NPAS3: variants seen among roughly 807,000 people sequenced by gnomAD.
NPAS3 encodes the protein neuronal PAS domain protein 3.
In NPAS3, 14 loss-of-function variants were observed where a neutral mutation model predicts 73.1. The observed-to-expected ratio is 0.19, with a 90% CI of 0.13 to 0.30. The LOEUF (loss-of-function observed/expected upper bound fraction) is 0.30. NPAS3 is among the 10% of genes least tolerant of loss of function. The pLI, the probability that NPAS3 is intolerant of heterozygous loss-of-function variation, is 1.00. For synonymous variants in NPAS3, 620 were observed against 541.5 expected (o/e 1.14, Z -2.01); for missense variants, 1,096 against 1,250.0 (o/e 0.88, Z 1.86).
chr14:33,038,156 A>G (rs2040231743), intron 1 of NPAS3, among the ~76,000 whole-genome samples: 1 of 152,172 alleles, frequency 6.6e-6, no homozygotes, highest in Admixed American at 6.5e-5. Context: ...TTTTCCCCCT[A>G]GGGATGAAGG....
Position 33,502,272 on chromosome 14 carries a change from A to ATTT in NPAS3, c.469-57841_469-57839dup, listed in dbSNP as rs34556992. 2.1e-3 allele frequency among the ~76,000 whole-genome samples: 318 copies of ATTT among 149,780 alleles called. 2 individuals carry two copies. The highest frequency in any genetic ancestry group is 5.0e-3 in the African/African-American group (205 of 40,842). On this transcript the variant is annotated intron_variant, in intron 4 of 11. Coordinates refer to ENST00000356141, the Ensembl canonical transcript of NPAS3. ...AGTGCATTTTCTATGGCTCTCCCCC[A>ATTT]TTTTTTTTTTAACACTTTGGCTTTT...
At position 33,800,371 on chromosome 14, in the gene NPAS3, T is replaced by G. The variant is rs1427797734; in HGVS notation, c.2064T>G (p.Ser688=). 6.2e-7 allele frequency: 1 copy of G among 1,609,350 alleles called. No individual in the cohort carries two copies. The highest frequency in any genetic ancestry group is 1.3e-5 in the African/African-American group (1 of 74,428). Residue 688 remains serine, a synonymous_variant, in exon 12 of 12, where the codon TCT becomes TCG. Coordinates refer to ENST00000356141, the Ensembl canonical transcript of NPAS3. The surrounding 1 kb of genome is among the most constrained non-coding windows in gnomAD (Gnocchi z 6.5). ...ACAGCATGACCAAGCCCCCCAGCTC[T>G]GAGCACTTCCCGTCCCCGCAGGGCG...
At chr14:33,409,500 T>G (rs896642400) in intron 4 of NPAS3, among the ~76,000 whole-genome samples, 2 of 152,204 alleles carry the variant, frequency 1.3e-5, no homozygotes, top group African/African-American at 2.4e-5. Context: ...GATGACAAAT[T>G]GCCTATCTCT....
At chr14:33,705,323 T>C (rs1481327753) in intron 6 of NPAS3, among the ~76,000 whole-genome samples, 2 of 152,202 alleles carry the variant, frequency 1.3e-5, no homozygotes, top group Admixed American at 6.5e-5. Flanking sequence ...AGTTAGTTCA[T>C]TGGCTCCCTT....
intron 7 of NPAS3, among the ~76,000 whole-genome samples, chr14:33,770,651 G>A (rs1164524727): frequency 6.6e-6 from 1 of 152,174 alleles, no homozygotes; most frequent in Non-Finnish European, 1.5e-5. Flanking sequence ...AGTAATCCCA[G>A]CACTTTGGGA....
intron 3 of NPAS3, among the ~76,000 whole-genome samples, chr14:33,302,258 T>C (rs541997859): frequency 6.6e-6 from 1 of 152,160 alleles, no homozygotes; most frequent in African/African-American, 2.4e-5. Flanking sequence ...TATTAAGGAA[T>C]TAGGAAGAAT....
intron 5 of NPAS3, among the ~76,000 whole-genome samples, chr14:33,652,332 C>T (rs2059018549): frequency 6.6e-6 from 1 of 152,188 alleles, no homozygotes. Context: ...CCTTTGAAAC[C>T]AGCGTTTCCA....
intron 4 of NPAS3, among the ~76,000 whole-genome samples, chr14:33,394,086 G>A (rs1288939490): frequency 2.0e-5 from 3 of 152,050 alleles, no homozygotes; most frequent in African/African-American, 7.2e-5. Flanking sequence ...CATTGTCTAT[G>A]GTAATGTGAT....
intron 10 of NPAS3, among the ~76,000 whole-genome samples, chr14:33,796,831 C>T (rs545812908): frequency 6.6e-6 from 1 of 152,300 alleles, no homozygotes; most frequent in East Asian, 1.9e-4. Context: ...GGGACTCTCC[C>T]CACTGCAATC....
chr14:33,412,180 A>G (rs1352271557), intron 4 of NPAS3, among the ~76,000 whole-genome samples: 3 of 152,148 alleles, frequency 2.0e-5, no homozygotes, highest in Non-Finnish European at 4.4e-5. Flanking sequence ...ATGCAGTGAC[A>G]TGATCTCAGC....
intron 4 of NPAS3, among the ~76,000 whole-genome samples, chr14:33,503,537 C>G (rs924095366): frequency 6.6e-6 from 1 of 151,782 alleles, no homozygotes; most frequent in Non-Finnish European, 1.5e-5. Flanking sequence ...CCAGTTAACA[C>G]AGAGCTTCTC....
intron 2 of NPAS3, among the ~76,000 whole-genome samples, chr14:33,116,634 AC>A (rs1435875312): frequency 2.0e-5 from 3 of 152,100 alleles, no homozygotes; most frequent in Non-Finnish European, 4.4e-5. Flanking sequence ...CATGAATGTT[AC>A]TGGTGGACGT....
intron 4 of NPAS3, among the ~76,000 whole-genome samples, chr14:33,544,820 A>AT (rs11377851): frequency 0.1 from 9,838 of 94,018 alleles, 1,395 homozygotes; most frequent in African/African-American, 0.3. Flanking sequence ...ATGTATATAT[A>AT]ATATATATGT....
At chr14:33,298,867 A>C (rs2042411464) in intron 3 of NPAS3, among the ~76,000 whole-genome samples, 2 of 152,218 alleles carry the variant, frequency 1.3e-5, no homozygotes. Context: ...GAACAGAAAT[A>C]ATCCTTCCTT....
chr14:33,016,911 T>G (rs943181950), intron 1 of NPAS3, among the ~76,000 whole-genome samples: 9 of 152,156 alleles, frequency 5.9e-5, no homozygotes, highest in Non-Finnish European at 1.3e-4. Context: ...TGTTAAAAGA[T>G]GACTACAGAG....
intron 4 of NPAS3, among the ~76,000 whole-genome samples, chr14:33,529,837 G>A (rs889589117): frequency 4.6e-5 from 7 of 151,850 alleles, no homozygotes; most frequent in Non-Finnish European, 1.0e-4. Context: ...GTTTCACTTG[G>A]GAATAAAATA....
In NPAS3 at chr14:33,565,622, GA is replaced by G. The variant is rs142762922; in HGVS notation, c.558+5422del. Among the ~76,000 whole-genome samples, 264 of 146,802 alleles carry G rather than the reference GA, an allele frequency of 1.8e-3. 7 individuals are homozygous for G. The East Asian group carries it at 0.042, about 24-fold the overall frequency. ...ATATATATATTTCTTTAGTGGGGTT[GA>G]AAAAAAAAAGAAGACATTAGCTTTC... is the stretch of plus-strand genomic sequence containing the variant. On this transcript the variant is annotated intron_variant, in intron 5 of 11. Coordinates refer to ENST00000356141, the Ensembl canonical transcript of NPAS3.
intron 3 of NPAS3, among the ~76,000 whole-genome samples, chr14:33,240,078 A>T (rs1267389483): frequency 6.6e-6 from 1 of 151,892 alleles, no homozygotes; most frequent in Non-Finnish European, 1.5e-5. Flanking sequence ...CATCAGTTGC[A>T]CAATGTAATT....
intron 7 of NPAS3, among the ~76,000 whole-genome samples, chr14:33,741,359 G>T (rs145525220): frequency 1.1e-4 from 17 of 152,180 alleles, no homozygotes; most frequent in African/African-American, 4.1e-4. Context: ...AGTTTCTAAG[G>T]CTATGCATTT....
Sources: allele counts gnomAD v4.1 joint callset (sites outside exome capture counted in the v4.1 genomes callset), GRCh38; gene constraint gnomAD v4.1.1; non-coding constraint Gnocchi (gnomAD v3.1); transcripts MANE v1.5; gene names NCBI Gene and HGNC (gene_info 2026-07-23, HGNC 2026-07-21).